Variants in GRM1 observed in about 807,000 individuals in gnomAD.
The protein encoded by GRM1 is metabotropic glutamate receptor 1.
GRM1 carries 33 observed loss-of-function variants against 90.9 expected under a neutral mutation model. That is an observed-to-expected ratio of 0.36 (90% CI 0.28 to 0.49). The LOEUF is 0.49. Among genes scored for constraint, GRM1 ranks in the 20% least tolerant of loss-of-function variants. The pLI, the probability that GRM1 is intolerant of heterozygous loss-of-function variation, is 0.99. For missense variants in GRM1, 1,190 were observed against 1,534.3 expected (o/e 0.78, Z 3.75); for synonymous variants, 700 against 613.2 (o/e 1.14, Z -2.09).
intron 1 of GRM1, among the ~76,000 whole-genome samples, chr6:146,075,738 C>A (rs1776162651): frequency 6.6e-6 from 1 of 152,134 alleles, no homozygotes; most frequent in South Asian, 2.1e-4. Context: ...AGAATCCTTC[C>A]TTTTTTCTTC....
At chr6:146,054,963 G>T (rs1305077580) in intron 1 of GRM1, among the ~76,000 whole-genome samples, 1 of 151,936 alleles carries the variant, frequency 6.6e-6, no homozygotes, top group Non-Finnish European at 1.5e-5. Context: ...GTAATAATTG[G>T]GGGTGGAGGG....
In GRM1 at chr6:146,364,776, AT is replaced by A. The variant is rs11389715; in HGVS notation, c.1602+7096del. Reference sequence around the variant, plus strand: ...TGTCTGTCTTTCTCCCTCTTCTTCTATTTTTTTTTTTTTTGGAACAATTTAA... The same window carrying A: ...TGTCTGTCTTTCTCCCTCTTCTTCTATTTTTTTTTTTTTGGAACAATTTAA... On this transcript the variant is annotated intron_variant, in intron 5 of 7. Transcript: ENST00000282753. Among the ~76,000 whole-genome samples, 811 of 141,704 alleles carry A rather than the reference AT, an allele frequency of 5.7e-3. 12 individuals are homozygous for A. The highest frequency in any genetic ancestry group is 0.039 in the East Asian group (192 of 4,922). The allele number at this position is 141,704 out of a possible 152,430, so 93.0% of individuals were successfully genotyped here.
intron 2 of GRM1, among the ~76,000 whole-genome samples, chr6:146,174,623 C>T (rs1778265799): frequency 6.6e-6 from 1 of 152,102 alleles, no homozygotes; most frequent in African/African-American, 2.4e-5. Flanking sequence ...CTTAATTAAG[C>T]TTATAATTTC....
In GRM1 at chr6:146,386,071, A is replaced by C. The variant is rs145201175; in HGVS notation, c.1603-819A>C. Reference sequence around the variant, plus strand: ...TTTAACCATACTGATTATTATGATAAATGTAAATGTACTAAACAATAAAAG... The same window carrying C: ...TTTAACCATACTGATTATTATGATACATGTAAATGTACTAAACAATAAAAG... On this transcript the variant is annotated intron_variant, in intron 5 of 7. Coordinates refer to ENST00000282753, the MANE Select transcript of GRM1 (RefSeq NM_001278064.2). 6.2e-3 allele frequency among the ~76,000 whole-genome samples: 938 copies of C among 152,228 alleles called. 7 individuals are homozygous for C. Among genetic ancestry groups the C allele is most frequent in the Middle Eastern group, 0.014 (4 of 294 alleles).
chr6:146,333,973 A>G (rs1222984736), intron 3 of GRM1, among the ~76,000 whole-genome samples: 2 of 152,170 alleles, frequency 1.3e-5, no homozygotes, highest in Non-Finnish European at 2.9e-5. Flanking sequence ...AGGAAGTCCT[A>G]CCCTGGGACC....
intron 4 of GRM1, among the ~76,000 whole-genome samples, chr6:146,353,552 C>G (rs1457278073): frequency 2.6e-5 from 4 of 152,194 alleles, no homozygotes; most frequent in Admixed American, 6.5e-5. Context: ...GGCAAGTGCT[C>G]TCACTCTGAG....
intron 2 of GRM1, among the ~76,000 whole-genome samples, chr6:146,208,746 T>C (rs1779578279): frequency 6.6e-6 from 1 of 152,134 alleles, no homozygotes; most frequent in African/African-American, 2.4e-5. Context: ...GAAAGATAAA[T>C]TACTGGCAGT....
At chr6:146,360,832 G>C (rs1379400850) in intron 5 of GRM1, among the ~76,000 whole-genome samples, 2 of 152,146 alleles carry the variant, frequency 1.3e-5, no homozygotes, top group African/African-American at 4.8e-5. Context: ...CAAGAATAAG[G>C]GGGAAAGGGA....
chr6:146,313,067 C>T (rs144613519), intron 3 of GRM1, among the ~76,000 whole-genome samples: 80 of 152,206 alleles, frequency 5.3e-4, no homozygotes, highest in African/African-American at 1.8e-3. Flanking sequence ...ATTTGTTTCC[C>T]AAAAGCTCAA....
intron 1 of GRM1, among the ~76,000 whole-genome samples, chr6:146,140,284 T>A (rs1161471595): frequency 6.6e-6 from 1 of 151,718 alleles, no homozygotes; most frequent in East Asian, 1.9e-4. Flanking sequence ...TATTATTATT[T>A]TTTGAGACAA....
chr6:146,275,522 C>T (rs1782323901), intron 2 of GRM1, among the ~76,000 whole-genome samples: 3 of 152,126 alleles, frequency 2.0e-5, no homozygotes, highest in African/African-American at 2.4e-5. Context: ...CTCTCTCGCT[C>T]TCTGTCTCTC....
In GRM1 at chr6:146,377,632, T is replaced by C. The variant is rs545712673; in HGVS notation, c.1603-9258T>C. Among the ~76,000 whole-genome samples, 7 of 152,182 alleles carry C rather than the reference T, an allele frequency of 4.6e-5. No individual in the cohort carries two copies. In the East Asian group the frequency reaches 1.4e-3, roughly 29 times the overall value. ...GAAAAACCCATTTTCTAGGGAGAAA[T>C]TCAAGCTGACTGCAGAAGTTTGCAT... On this transcript the variant is annotated intron_variant, in intron 5 of 7. Transcript: ENST00000282753.
At chr6:146,150,982 C>G (rs934991764) in intron 1 of GRM1, among the ~76,000 whole-genome samples, 1 of 151,426 alleles carries the variant, frequency 6.6e-6, no homozygotes, top group African/African-American at 2.4e-5. Flanking sequence ...TTTTCTCTAT[C>G]CATTCATCCC....
At chr6:146,131,495 G>A (rs946320458) in intron 1 of GRM1, among the ~76,000 whole-genome samples, 2 of 149,818 alleles carry the variant, frequency 1.3e-5, no homozygotes, top group African/African-American at 4.9e-5. Context: ...ATATGATATG[G>A]TATATATATA....
rs185179732 is a variant in GRM1, at chr6:146,148,962, G to A, written c.701-10386G>A. Among the ~76,000 whole-genome samples the A allele has an allele frequency of 2.2e-3, 335 of 152,268 alleles. 2 individuals carry two copies. The highest frequency in any genetic ancestry group is 7.3e-3 in the African/African-American group (304 of 41,540). On this transcript the variant is annotated intron_variant, in intron 1 of 7. Transcript: ENST00000282753. ...GCTCCTGTGAACCTGTTTCTTGCAC[G>A]TGGAAACCACAGTGGGAAATGCTGG...
At chr6:146,203,178 A>AGC (rs1321227254) in intron 2 of GRM1, among the ~76,000 whole-genome samples, 12 of 151,068 alleles carry the variant, frequency 7.9e-5, no homozygotes, top group South Asian at 2.1e-4. Context: ...TGGGGGACAG[A>AGC]GAGACTCCGT....
chr6:146,069,911 A>G (rs1775970130), intron 1 of GRM1, among the ~76,000 whole-genome samples: 2 of 148,678 alleles, frequency 1.3e-5, no homozygotes, highest in African/African-American at 2.6e-5. Context: ...ATTGAGCATT[A>G]GATAGTTTCA....
chr6:146,129,078 A>G (rs757659223), intron 1 of GRM1, among the ~76,000 whole-genome samples: 7 of 152,180 alleles, frequency 4.6e-5, no homozygotes, highest in African/African-American at 9.7e-5. Context: ...TAGCAGTTTA[A>G]CTTTACAGCC....
chr6:146,136,425 C>T (rs1233561842), intron 1 of GRM1, among the ~76,000 whole-genome samples: 1 of 152,188 alleles, frequency 6.6e-6, no homozygotes, highest in Non-Finnish European at 1.5e-5. Flanking sequence ...CTTTCCTTCA[C>T]ATCCTCACCA....
Sources: gnomAD v4.1 joint callset for allele counts (sites outside exome capture counted in the v4.1 genomes callset) on GRCh38, gnomAD v4.1.1 for gene constraint, MANE v1.5 for transcripts, NCBI Gene and HGNC (gene_info 2026-07-23, HGNC 2026-07-21) for gene names.